The following PRPSAP2 variants were observed in gnomAD, a reference collection of about 807,000 sequenced individuals.
PRPSAP2 encodes the protein phosphoribosyl pyrophosphate synthetase associated protein 2.
A neutral mutation model predicts 40.6 loss-of-function variants in PRPSAP2; 24 were observed. The observed-to-expected ratio is 0.59, with a 90% CI of 0.43 to 0.83. The LOEUF (loss-of-function observed/expected upper bound fraction) is 0.83, where lower values mean the gene tolerates loss of function less well. Among genes scored for constraint, PRPSAP2 ranks in the 40% least tolerant of loss-of-function variants. The pLI, the probability that PRPSAP2 is intolerant of heterozygous loss-of-function variation, is 0.00. For synonymous variants in PRPSAP2, 149 were observed against 164.7 expected, an observed-to-expected ratio of 0.90 and a Z score of 0.73; for missense variants, 292 against 465.6, an observed-to-expected ratio of 0.63 and a Z score of 3.43.
At chr17:18,881,221 TTGA>T (rs1446015112) in intron 6 of PRPSAP2, among the ~76,000 whole-genome samples, 1 of 151,994 alleles carries the variant, frequency 6.6e-6, no homozygotes, top group Non-Finnish European at 1.5e-5. Context: ...CTGAGTTTTT[TTGA>T]TGGTAGAACA....
chr17:18,894,598 C>T (rs557224751), intron 8 of PRPSAP2, among the ~76,000 whole-genome samples: 3 of 151,592 alleles, frequency 2.0e-5, no homozygotes, highest in Admixed American at 1.3e-4. Flanking sequence ...TCTGCCTCAC[C>T]TCCTGAGTAG....
At chr17:18,892,745 A>ATTTATATATTTAT (rs57347460) in intron 8 of PRPSAP2, among the ~76,000 whole-genome samples, 1 of 125,706 alleles carries the variant, frequency 8.0e-6, no homozygotes, top group Non-Finnish European at 1.7e-5. Flanking sequence ...TTATTTATTT[A>ATTTATATATTTAT]TTTTTTTGAG....
chr17:18,872,575 C>A lies in PRPSAP2; in HGVS notation c.173-8C>A. On this transcript the variant is annotated splice_region_variant and splice_polypyrimidine_tract_variant and intron_variant, in intron 4 of 11. Transcript: ENST00000268835. ...CTTTCCCTCTCTTCTTTTTCCTTTT[C>A]CTGCCAGAAACAAGAGTACAAATTC... 1 of 1,567,612 alleles carries A rather than the reference C, an allele frequency of 6.4e-7. No individual in the cohort carries two copies. The highest frequency in any genetic ancestry group is 8.8e-7 in the Non-Finnish European group (1 of 1,142,172).
intron 6 of PRPSAP2, among the ~76,000 whole-genome samples, chr17:18,879,611 G>A (rs1401372777): frequency 5.9e-5 from 9 of 151,668 alleles, no homozygotes; most frequent in Non-Finnish European, 1.3e-4. Context: ...CCACCACCAC[G>A]CCTGGCTAAT....
At chr17:18,864,351 T>C (rs2037274536) in intron 1 of PRPSAP2, among the ~76,000 whole-genome samples, 1 of 151,638 alleles carries the variant, frequency 6.6e-6, no homozygotes, top group Admixed American at 6.6e-5. Flanking sequence ...TGGAGTACAG[T>C]GGTGCAATCT....
At chr17:18,873,554 AT>A (rs975349760) in intron 5 of PRPSAP2, among the ~76,000 whole-genome samples, 1 of 152,192 alleles carries the variant, frequency 6.6e-6, no homozygotes, top group African/African-American at 2.4e-5. Context: ...TTTCCTAACA[AT>A]TAACAGCCAG....
intron 4 of PRPSAP2, among the ~76,000 whole-genome samples, chr17:18,870,008 C>T (rs113985195): frequency 0.073 from 11,136 of 151,874 alleles, 445 homozygotes; most frequent in Admixed American, 0.099. Context: ...CCAGCACGCC[C>T]GGCTAATTTT....
chr17:18,888,871 A>G (rs994905169), intron 7 of PRPSAP2, among the ~76,000 whole-genome samples: 1 of 152,174 alleles, frequency 6.6e-6, no homozygotes, highest in Non-Finnish European at 1.5e-5. Context: ...TTCTTGTTGT[A>G]TATAATTTCC....
At chr17:18,885,106 GAGA>G (rs1189481593) in intron 7 of PRPSAP2, among the ~76,000 whole-genome samples, 4 of 152,028 alleles carry the variant, frequency 2.6e-5, no homozygotes, top group East Asian at 1.9e-4. Context: ...TTTCATTGTT[GAGA>G]AGAAGTCAGG....
At position 18,920,207 on chromosome 17, in the gene PRPSAP2, T is replaced by C. The variant is rs527740060; in HGVS notation, c.734-3707T>C. 3.3e-5 allele frequency among the ~76,000 whole-genome samples: 5 copies of C among 152,278 alleles called. No individual in the cohort carries two copies. The South Asian group carries it at 1.0e-3, about 32-fold the overall frequency. ...TTCAGTCCTGTAAGCACATGGGCTG[T>C]GATGAGGAACGCGTTGGCAGTCTTT... On this transcript the variant is annotated intron_variant, in intron 9 of 11. Transcript: ENST00000268835.
At chr17:18,925,629 C>G (rs1285255521) in intron 10 of PRPSAP2, among the ~76,000 whole-genome samples, 1 of 152,144 alleles carries the variant, frequency 6.6e-6, no homozygotes, top group Non-Finnish European at 1.5e-5. Context: ...TTTTCTGGTG[C>G]AAAAGTGTGA....
chr17:18,906,608 G>A (rs911069295), intron 8 of PRPSAP2, among the ~76,000 whole-genome samples: 1 of 152,000 alleles, frequency 6.6e-6, no homozygotes, highest in Non-Finnish European at 1.5e-5. Flanking sequence ...TCCTGCCTTC[G>A]TCTCAAAGTG....
chr17:18,890,976 C>CGGTTGAGAGGATTTCTT (rs1387354501), intron 8 of PRPSAP2, among the ~76,000 whole-genome samples: 1 of 152,100 alleles, frequency 6.6e-6, no homozygotes, highest in Non-Finnish European at 1.5e-5. Context: ...AATTATATGT[C>CGGTTGAGAGGATTTCTT]GGTTGAGAGG....
Position 18,872,449 on chromosome 17 carries a change from A to G in PRPSAP2, c.173-134A>G, listed in dbSNP as rs186061965. 865 of 671,728 alleles carry G rather than the reference A, an allele frequency of 1.3e-3. 15 individuals are homozygous for G. In the Middle Eastern group the frequency reaches 0.016, roughly 12 times the overall value. The allele number at this position is 671,728 out of a possible 1,614,324, so 41.6% of individuals were successfully genotyped here. On this transcript the variant is annotated intron_variant, in intron 4 of 11. Coordinates refer to ENST00000268835, the MANE Select transcript of PRPSAP2 (RefSeq NM_002767.4). ...ATGTGTATTATCCCTTGTAACATCTAAAGCCTACTGAGTCTTATAACAGTT... is the reference window on the plus strand; with the variant it reads ...ATGTGTATTATCCCTTGTAACATCTGAAGCCTACTGAGTCTTATAACAGTT...
At chr17:18,861,928 C>G (rs1419382453) in intron 1 of PRPSAP2, among the ~76,000 whole-genome samples, 2 of 152,040 alleles carry the variant, frequency 1.3e-5, no homozygotes, top group East Asian at 3.9e-4. Flanking sequence ...TGCTCTGTCA[C>G]CCAGGCTGGC....
At chr17:18,893,302 C>T (rs1465133081) in intron 8 of PRPSAP2, among the ~76,000 whole-genome samples, 1 of 152,026 alleles carries the variant, frequency 6.6e-6, no homozygotes, top group Non-Finnish European at 1.5e-5. Flanking sequence ...GTGCCCGCCA[C>T]CACACCCGGC....
intron 10 of PRPSAP2, among the ~76,000 whole-genome samples, chr17:18,926,509 T>C (rs2041985829): frequency 6.6e-6 from 1 of 152,108 alleles, no homozygotes; most frequent in Non-Finnish European, 1.5e-5. Flanking sequence ...CCTCGTGATC[T>C]GCCCGCCTTG....
intron 1 of PRPSAP2, among the ~76,000 whole-genome samples, chr17:18,859,026 T>C (rs2036808854): frequency 6.6e-6 from 1 of 152,218 alleles, no homozygotes; most frequent in Non-Finnish European, 1.5e-5. Flanking sequence ...CTTAAAGTCA[T>C]TCATAGATAC....
At chr17:18,923,678 G>A (rs2041821846) in intron 9 of PRPSAP2, among the ~76,000 whole-genome samples, 1 of 152,188 alleles carries the variant, frequency 6.6e-6, no homozygotes, top group African/African-American at 2.4e-5. Flanking sequence ...ATGGTGAATG[G>A]CAGTGGTGCA....
Sources: allele counts gnomAD v4.1 joint callset (sites outside exome capture counted in the v4.1 genomes callset), GRCh38; gene constraint gnomAD v4.1.1; transcripts MANE v1.5; gene names NCBI Gene and HGNC (gene_info 2026-07-23, HGNC 2026-07-21).